Variants in PEAK1 observed in about 807,000 individuals in gnomAD.
PEAK1 encodes inactive tyrosine-protein kinase PEAK1.
PEAK1 carries 54 observed loss-of-function variants against 124.7 expected under a neutral mutation model. That is an observed-to-expected ratio of 0.43 (90% CI 0.35 to 0.54). The LOEUF is 0.54. Ranked by LOEUF, PEAK1 falls within the 20% of genes least tolerant of loss-of-function variation. The pLI, the probability that PEAK1 is intolerant of heterozygous loss-of-function variation, is 0.01. For synonymous variants in PEAK1, 719 were observed against 760.0 expected, an observed-to-expected ratio of 0.95 and a Z score of 0.89; for missense variants, 2,046 against 2,134.5, an observed-to-expected ratio of 0.96 and a Z score of 0.82.
chr15:77,389,665 T>C (rs948599872), intron 1 of PEAK1, among the ~76,000 whole-genome samples: 4 of 152,206 alleles, frequency 2.6e-5, no homozygotes, highest in African/African-American at 9.7e-5. Flanking sequence ...ATTAGATTAC[T>C]GAAGTTTTAT....
At chr15:77,326,058 A>C (rs914247007) in intron 2 of PEAK1, among the ~76,000 whole-genome samples, 3 of 152,188 alleles carry the variant, frequency 2.0e-5, no homozygotes, top group African/African-American at 7.2e-5. Context: ...TAAATGTTCT[A>C]AATTGTAAGA....
intron 2 of PEAK1, among the ~76,000 whole-genome samples, chr15:77,325,970 T>TA (rs907674935): frequency 6.8e-4 from 101 of 149,162 alleles, no homozygotes; most frequent in Admixed American, 8.7e-4. Flanking sequence ...AGTACAAATT[T>TA]AAAAAAAAAA....
intron 6 of PEAK1, among the ~76,000 whole-genome samples, chr15:77,210,097 GA>G (rs1032570707): frequency 1.3e-5 from 2 of 152,062 alleles, no homozygotes; most frequent in African/African-American, 4.8e-5. Context: ...TTGTTACAGA[GA>G]TCAAATAGGA....
At chr15:77,144,630 G>A (rs796399914) in intron 8 of PEAK1, among the ~76,000 whole-genome samples, 38 of 152,286 alleles carry the variant, frequency 2.5e-4, no homozygotes, top group African/African-American at 8.7e-4. Flanking sequence ...AAGTAATGTG[G>A]CTTCTCTTCC....
intron 2 of PEAK1, among the ~76,000 whole-genome samples, chr15:77,331,470 T>C (rs545683236): frequency 6.6e-6 from 1 of 152,314 alleles, no homozygotes; most frequent in East Asian, 1.9e-4. Flanking sequence ...CTACATTTAC[T>C]GTATCATAAA....
chr15:77,158,798 C>T, intron 7 of PEAK1, 102 bp from the exon 8 acceptor site: 1 of 1,096,218 alleles, frequency 9.1e-7, no homozygotes, highest in East Asian at 2.5e-5. Context: ...ATAACTGGTC[C>T]TATAGTCACA....
chr15:77,259,010 T>G (rs2061310106), intron 5 of PEAK1, among the ~76,000 whole-genome samples: 1 of 152,206 alleles, frequency 6.6e-6, no homozygotes, highest in African/African-American at 2.4e-5. Flanking sequence ...TTGGTTCTGT[T>G]TATATGCTGG....
chr15:77,277,673 T>C (rs1164339879), intron 5 of PEAK1, among the ~76,000 whole-genome samples: 1 of 152,192 alleles, frequency 6.6e-6, no homozygotes, highest in Non-Finnish European at 1.5e-5. Context: ...TACCTGTAAG[T>C]AAATATTTTT....
At chr15:77,178,618 G>C (rs1216020230) in intron 7 of PEAK1, 172 bp downstream of exon 7, 9 of 704,152 alleles carry the variant, frequency 1.3e-5, no homozygotes, top group Non-Finnish European at 2.1e-5. Context: ...AGTGCAGTAA[G>C]ATCACTTTAA....
chr15:77,404,830 T>C (rs1283712858), intron 1 of PEAK1: 22 of 952,834 alleles, frequency 2.3e-5, no homozygotes, highest in Non-Finnish European at 2.6e-5. Flanking sequence ...TTATCGAATG[T>C]AACTTAGCAA....
intron 1 of PEAK1, among the ~76,000 whole-genome samples, chr15:77,380,513 C>G (rs1389828414): frequency 6.6e-6 from 1 of 152,154 alleles, no homozygotes; most frequent in East Asian, 1.9e-4. Context: ...GGTTCTTACT[C>G]TGCTACCCAG....
chr15:77,306,477 T>A (rs2064110337), intron 2 of PEAK1, among the ~76,000 whole-genome samples: 1 of 152,186 alleles, frequency 6.6e-6, no homozygotes, highest in South Asian at 2.1e-4. Flanking sequence ...CCTATGCCAA[T>A]CAGAATTAAA....
At chr15:77,159,181 G>C (rs2055415390) in intron 7 of PEAK1, among the ~76,000 whole-genome samples, 1 of 152,124 alleles carries the variant, frequency 6.6e-6, no homozygotes, top group South Asian at 2.1e-4. Context: ...ATAAAGTTGA[G>C]ATTAAACTAA....
intron 9 of PEAK1, among the ~76,000 whole-genome samples, chr15:77,127,222 C>T (rs2052453751): frequency 6.6e-6 from 1 of 152,198 alleles, no homozygotes; most frequent in African/African-American, 2.4e-5. Flanking sequence ...AGAGAGCCCT[C>T]ACTAGAAGCC....
intron 2 of PEAK1, among the ~76,000 whole-genome samples, chr15:77,362,630 T>C (rs2067966737): frequency 6.6e-6 from 1 of 152,190 alleles, no homozygotes; most frequent in Non-Finnish European, 1.5e-5. Context: ...CACGGAGTTA[T>C]TAAATGACCT....
intron 6 of PEAK1, among the ~76,000 whole-genome samples, chr15:77,199,114 C>T (rs2058241467): frequency 6.6e-6 from 1 of 152,052 alleles, no homozygotes; most frequent in Admixed American, 6.6e-5. Flanking sequence ...GCTAGTAATC[C>T]CCAAGTCTTG....
chr15:77,164,812 T>C (rs897303878), intron 7 of PEAK1, among the ~76,000 whole-genome samples: 6 of 152,182 alleles, frequency 3.9e-5, no homozygotes, highest in African/African-American at 1.4e-4. Flanking sequence ...GATACTGATA[T>C]GCATTTCCTG....
chr15:77,227,524 G>C (rs1318661653), intron 6 of PEAK1, among the ~76,000 whole-genome samples: 1 of 151,990 alleles, frequency 6.6e-6, no homozygotes, highest in Non-Finnish European at 1.5e-5. Flanking sequence ...TAAATATACA[G>C]AAAACAACAA....
intron 1 of PEAK1, chr15:77,419,222 C>T (rs1311202335): frequency 2.0e-6 from 2 of 985,204 alleles, no homozygotes; most frequent in Middle Eastern, 5.2e-4. Flanking sequence ...AGGGTCTCTC[C>T]CGGTGCTCTC....
Sources: allele counts gnomAD v4.1 joint callset (sites outside exome capture counted in the v4.1 genomes callset), GRCh38; gene constraint gnomAD v4.1.1; transcripts MANE v1.5; gene names NCBI Gene and HGNC (gene_info 2026-07-23, HGNC 2026-07-21).